CLEC5A: variants seen among roughly 807,000 people sequenced by gnomAD.
The protein encoded by CLEC5A is C-type lectin domain family 5 member A.
Under a neutral mutation model 24.4 loss-of-function variants are expected in CLEC5A, and 15 were observed. The ratio of observed to expected loss-of-function variants is 0.62; its 90% CI spans 0.41 to 0.95. The LOEUF is 0.95. Ranked by LOEUF, CLEC5A falls within the 40% of genes least tolerant of loss-of-function variation. The pLI, the probability that CLEC5A is intolerant of heterozygous loss-of-function variation, is 0.00. For missense variants in CLEC5A, 211 were observed against 224.0 expected, an observed-to-expected ratio of 0.94 and a Z score of 0.37; for synonymous variants, 71 against 72.6, an observed-to-expected ratio of 0.98 and a Z score of 0.11.
At chr7:141,945,250 C>G in intron 3 of CLEC5A, 91 bp downstream of exon 3, 1 of 908,004 alleles carries the variant, frequency 1.1e-6, no homozygotes, top group Non-Finnish European at 1.9e-6. Flanking sequence ...AAAAGAATTT[C>G]TTGGGAAAGG....
At chr7:141,939,521 G>A (rs1163821219) in intron 4 of CLEC5A, among the ~76,000 whole-genome samples, 4 of 151,808 alleles carry the variant, frequency 2.6e-5, no homozygotes, top group Non-Finnish European at 5.9e-5. Context: ...AAGAAAGAAG[G>A]AAGAGAAGAT....
At chr7:141,946,339 CAG>C in intron 1 of CLEC5A, 27 bp from the exon 2 acceptor site, 2 of 1,545,900 alleles carry the variant, frequency 1.3e-6, no homozygotes, top group Non-Finnish European at 1.7e-6. Flanking sequence ...ACAGCAGCAT[CAG>C]AATTCGGGTA....
intron 4 of CLEC5A, among the ~76,000 whole-genome samples, chr7:141,940,176 A>G (rs540189501): frequency 9.9e-5 from 15 of 152,264 alleles, no homozygotes; most frequent in African/African-American, 3.4e-4. Flanking sequence ...AGGATAGACC[A>G]TATTTTAGGT....
intron 4 of CLEC5A, among the ~76,000 whole-genome samples, chr7:141,936,542 G>A (rs1485672640): frequency 6.6e-6 from 1 of 152,212 alleles, no homozygotes; most frequent in Non-Finnish European, 1.5e-5. Flanking sequence ...ACCCATCCCA[G>A]TGGTTGAAAC....
At position 141,929,050 on chromosome 7, in the gene CLEC5A, T is replaced by G. The variant is rs1411360642; in HGVS notation, c.*1054A>C. On this transcript the variant is annotated 3_prime_UTR_variant, in exon 7 of 7. Transcript: ENST00000546910. The stretch of plus-strand genomic sequence containing the variant: ...GTTTCCTGTCTCAGGTGATTTCCAT[T>G]TGACCCTGATGTTCCCTTTTTACTA... The G allele has an allele frequency of 6.6e-6, 1 of 152,250 alleles. No individual in the cohort carries two copies. Among genetic ancestry groups the G allele is most frequent in the Non-Finnish European group, 1.5e-5 (1 of 68,062 alleles). The allele number at this position is 152,250 out of a possible 1,614,324, so 9.4% of individuals were successfully genotyped here.
chr7:141,930,706 T>C (rs782210014), intron 6 of CLEC5A, among the ~76,000 whole-genome samples: 1 of 152,184 alleles, frequency 6.6e-6, no homozygotes, highest in Non-Finnish European at 1.5e-5. Flanking sequence ...TGTCATTCAG[T>C]CTGTTTCAGT....
intron 4 of CLEC5A, among the ~76,000 whole-genome samples, chr7:141,942,669 C>T (rs1249101846): frequency 6.6e-6 from 1 of 152,132 alleles, no homozygotes; most frequent in East Asian, 1.9e-4. Context: ...TGTTTGAAAA[C>T]CACCCATTTG....
At position 141,935,854 on chromosome 7, in the gene CLEC5A, T is replaced by G; in HGVS notation, c.305A>C (p.Lys102Thr). 6.2e-7 allele frequency: 1 copy of G among 1,614,000 alleles called. No homozygotes were observed. Among genetic ancestry groups the G allele is most frequent in the Non-Finnish European group, 8.5e-7 (1 of 1,179,872 alleles). Residue 102 changes from lysine to threonine, a missense_variant, in exon 5 of 7, where the codon AAA (lysine) becomes ACA (threonine). Physicochemically the swap from Lys to Thr is moderately conservative, Grantham distance 78. Transcript: ENST00000546910. ...WNESRDFCKG[K>T]GSTLAIVNTP... is the part of the protein sequence containing the mutation. The stretch of plus-strand genomic sequence containing the variant: ...GTTGACAATTGCCAATGTGGATCCT[T>G]TTCCTTTGCAAAAGTCCCTGCTTTC...
chr7:141,942,022 T>G (rs1275022295), intron 4 of CLEC5A, among the ~76,000 whole-genome samples: 3 of 151,964 alleles, frequency 2.0e-5, no homozygotes, highest in Non-Finnish European at 4.4e-5. Flanking sequence ...TCTACAGATT[T>G]AATGCAATCT....
rs782452682 is a variant in CLEC5A at position 141,930,058 on chromosome 7, AT to A, written c.*45del. ...ATCATTGGCCAGACGACCTGTATGG[AT>A]TCAAAAAGAGTTGCAAGTATAGTTC... On this transcript the variant is annotated 3_prime_UTR_variant, in exon 7 of 7. Transcript: ENST00000546910. The A allele has an allele frequency of 5.5e-6, 8 of 1,459,872 alleles. No homozygotes were observed. Among genetic ancestry groups the A allele is most frequent in the Non-Finnish European group, 7.7e-6 (8 of 1,043,536 alleles). 90.4% of individuals were successfully genotyped at this position (1,459,872 alleles called of 1,614,324 possible). A position where few individuals can be genotyped will look rare whatever the true frequency, so the allele number is the denominator to read the frequency against.
chr7:141,942,528 A>G (rs1408355246), intron 4 of CLEC5A, among the ~76,000 whole-genome samples: 9 of 152,142 alleles, frequency 5.9e-5, no homozygotes, highest in Non-Finnish European at 1.2e-4. Context: ...AGATTTCTTG[A>G]GTAATATCCC....
At position 141,931,424 on chromosome 7, in the gene CLEC5A, A is replaced by G. The variant is rs548889337; in HGVS notation, c.452+296T>C. 1.1e-4 allele frequency: 51 copies of G among 450,698 alleles called. No individual in the cohort carries two copies. In the East Asian group the frequency reaches 1.6e-3, roughly 14 times the overall value. 27.9% of individuals were successfully genotyped at this position (450,698 alleles called of 1,614,324 possible). On this transcript the variant is annotated intron_variant, in intron 6 of 6. Coordinates refer to ENST00000546910, the MANE Select transcript of CLEC5A (RefSeq NM_013252.3). The stretch of plus-strand genomic sequence containing the variant: ...GTGCTATGGAAACTAGCATCTATAG[A>G]GAGCTACAAGATACATCAAATGAAT...
intron 5 of CLEC5A, among the ~76,000 whole-genome samples, chr7:141,933,008 T>C (rs1439152227): frequency 1.3e-5 from 2 of 152,224 alleles, no homozygotes; most frequent in African/African-American, 4.8e-5. Flanking sequence ...TGGAATGTTA[T>C]GAAAAATATT....
intron 4 of CLEC5A, among the ~76,000 whole-genome samples, chr7:141,940,675 T>C (rs1802765167): frequency 9.7e-6 from 1 of 103,236 alleles, no homozygotes; most frequent in South Asian, 3.4e-4. Flanking sequence ...TCAATAAACC[T>C]TTAGCCAGAC....
intron 5 of CLEC5A, among the ~76,000 whole-genome samples, chr7:141,933,891 C>T (rs1802541417): frequency 2.0e-5 from 3 of 151,966 alleles, no homozygotes; most frequent in Non-Finnish European, 2.9e-5. Flanking sequence ...AAGGGAGAGC[C>T]GGCTGCGCAG....
At chr7:141,940,537 A>G (rs1333612781) in intron 4 of CLEC5A, among the ~76,000 whole-genome samples, 3 of 151,932 alleles carry the variant, frequency 2.0e-5, no homozygotes, top group African/African-American at 7.2e-5. Flanking sequence ...AAAAGCAAGC[A>G]CAAATTAAAC....
At chr7:141,934,051 C>A (rs73740211) in intron 5 of CLEC5A, among the ~76,000 whole-genome samples, 1 of 152,194 alleles carries the variant, frequency 6.6e-6, no homozygotes, top group Non-Finnish European at 1.5e-5. Flanking sequence ...CCCACCCACT[C>A]CCCTAGGACC....
At chr7:141,934,688 C>G (rs1802568208) in intron 5 of CLEC5A, among the ~76,000 whole-genome samples, 1 of 122,960 alleles carries the variant, frequency 8.1e-6, no homozygotes, top group South Asian at 2.7e-4. Context: ...TGTAGTGGCA[C>G]AGTCATGGCT....
intron 5 of CLEC5A, among the ~76,000 whole-genome samples, chr7:141,933,575 CATATAT>C (rs3043785): frequency 0.087 from 9,994 of 114,542 alleles, 694 homozygotes; most frequent in African/African-American, 0.19. Context: ...AGGGAGCAGG[CATATAT>C]ATATATATAT....
Sources: allele counts gnomAD v4.1 joint callset (sites outside exome capture counted in the v4.1 genomes callset), GRCh38; gene constraint gnomAD v4.1.1; transcripts MANE v1.5; gene names NCBI Gene and HGNC (gene_info 2026-07-23, HGNC 2026-07-21).